KIF26B: variants seen among roughly 807,000 people sequenced by gnomAD.
KIF26B encodes the protein kinesin-like protein KIF26B.
Under a neutral mutation model 151.2 loss-of-function variants are expected in KIF26B, and 63 were observed. That is an observed-to-expected ratio of 0.42 (90% CI 0.34 to 0.51). The LOEUF (loss-of-function observed/expected upper bound fraction) is 0.51. Ranked by LOEUF, KIF26B falls within the 20% of genes least tolerant of loss-of-function variation. KIF26B has a pLI of 0.07. For missense variants in KIF26B, 2,813 were observed against 2,913.6 expected, an observed-to-expected ratio of 0.97 and a Z score of 0.79; for synonymous variants, 1,357 against 1,262.1, an observed-to-expected ratio of 1.08 and a Z score of -1.59.
intron 2 of KIF26B, among the ~76,000 whole-genome samples, chr1:245,176,540 C>A (rs1404583101): frequency 2.6e-5 from 4 of 152,126 alleles, no homozygotes; most frequent in Admixed American, 1.3e-4. Flanking sequence ...GGGATGAAAG[C>A]TACCAAAGGC....
chr1:245,412,526 C>T (rs1674312521), intron 3 of KIF26B, among the ~76,000 whole-genome samples: 1 of 152,208 alleles, frequency 6.6e-6, no homozygotes, highest in Non-Finnish European at 1.5e-5. Context: ...ACTCTGGTAG[C>T]TCTCAGAGTC....
At position 245,703,704 on chromosome 1, in the gene KIF26B, G is replaced by GT. The variant is rs1345965691; in HGVS notation, c.*1103dup. On this transcript the variant is annotated 3_prime_UTR_variant, in exon 15 of 15. Transcript: ENST00000407071. ...TTGTGTTGTAGATTGATTAAAGTGG[G>GT]TTTTTCCCCAGCTGAGAGACCTTCT... 6.6e-6 allele frequency: 1 copy of GT among 152,194 alleles called. No individual in the cohort carries two copies. Among genetic ancestry groups the GT allele is most frequent in the Non-Finnish European group, 1.5e-5 (1 of 68,034 alleles). The allele number at this position is 152,194 out of a possible 1,614,324, so 9.4% of individuals were successfully genotyped here. A position where few individuals can be genotyped will look rare whatever the true frequency, so the allele number is the denominator to read the frequency against.
intron 10 of KIF26B, among the ~76,000 whole-genome samples, chr1:245,654,510 C>T (rs1001060830): frequency 6.6e-6 from 1 of 152,122 alleles, no homozygotes; most frequent in African/African-American, 2.4e-5. Flanking sequence ...AAGCTTCACC[C>T]TATTTCATGA....
At chr1:245,680,048 C>G (rs1027443599) in intron 10 of KIF26B, among the ~76,000 whole-genome samples, 9 of 152,168 alleles carry the variant, frequency 5.9e-5, no homozygotes, top group African/African-American at 2.2e-4. Flanking sequence ...CTCTTCCTCT[C>G]TCTTCAGACT....
At chr1:245,373,626 C>G (rs1256925827) in intron 3 of KIF26B, among the ~76,000 whole-genome samples, 2 of 152,102 alleles carry the variant, frequency 1.3e-5, no homozygotes, top group Non-Finnish European at 2.9e-5. Flanking sequence ...TTCCTGCTTT[C>G]TCTAAAAACA....
rs1407770765 is a variant in KIF26B at position 245,563,387 on chromosome 1, T to C, written c.1350+22437T>C. Among the ~76,000 whole-genome samples, 2 of 152,228 alleles carry C rather than the reference T, an allele frequency of 1.3e-5. No individual in the cohort carries two copies. Among genetic ancestry groups the C allele is most frequent in the South Asian group, 2.1e-4 (1 of 4,830 alleles). ...GGTTAATGTTTCCAAGTGGGTTCTA[T>C]CTTCTCAAGGATCACTGGTCTTTCG... On this transcript the variant is annotated intron_variant, in intron 5 of 14. Coordinates refer to ENST00000407071, the MANE Select transcript of KIF26B (RefSeq NM_018012.4). The surrounding 1 kb of genome is among the most constrained non-coding windows in gnomAD (Gnocchi z 4.6).
At chr1:245,651,704 T>C (rs1396974931) in intron 10 of KIF26B, among the ~76,000 whole-genome samples, 1 of 152,138 alleles carries the variant, frequency 6.6e-6, no homozygotes, top group Non-Finnish European at 1.5e-5. Context: ...GTCTGATCAG[T>C]GGTGGCACTG....
chr1:245,513,285 A>G (rs1660877259), intron 4 of KIF26B, among the ~76,000 whole-genome samples: 1 of 151,298 alleles, frequency 6.6e-6, no homozygotes, highest in Non-Finnish European at 1.5e-5. Context: ...TTAGCAGTGA[A>G]TGAGCAAAGA....
At chr1:245,245,925 CAA>C (rs60181356) in intron 2 of KIF26B, among the ~76,000 whole-genome samples, 31 of 111,628 alleles carry the variant, frequency 2.8e-4, no homozygotes, top group Middle Eastern at 4.8e-3. Context: ...GACTCCGTCT[CAA>C]AAAAAAAAAA....
intron 4 of KIF26B, among the ~76,000 whole-genome samples, chr1:245,494,662 A>T (rs1448213412): frequency 2.0e-5 from 3 of 152,236 alleles, no homozygotes; most frequent in Non-Finnish European, 4.4e-5. Context: ...TATCAGACAT[A>T]AATTTCAAAA....
At chr1:245,377,398 G>A (rs1313204299) in intron 3 of KIF26B, among the ~76,000 whole-genome samples, 2 of 152,218 alleles carry the variant, frequency 1.3e-5, no homozygotes, top group Middle Eastern at 3.4e-3. Flanking sequence ...CTTGGGTCTC[G>A]CTGTGTCCTC....
At chr1:245,381,778 C>T (rs551042896) in intron 3 of KIF26B, among the ~76,000 whole-genome samples, 1 of 152,200 alleles carries the variant, frequency 6.6e-6, no homozygotes, top group Non-Finnish European at 1.5e-5. Context: ...ACTTTGTTTC[C>T]GTGAATCTGA....
intron 10 of KIF26B, among the ~76,000 whole-genome samples, chr1:245,655,643 G>A (rs12143345): frequency 0.033 from 5,063 of 152,308 alleles, 146 homozygotes; most frequent in South Asian, 0.071. Context: ...GGGGTTCGAT[G>A]CTGCTGCACC....
intron 4 of KIF26B, among the ~76,000 whole-genome samples, chr1:245,502,766 G>T (rs965877229): frequency 6.6e-6 from 1 of 152,010 alleles, no homozygotes; most frequent in African/African-American, 2.4e-5. Context: ...TGGTAGGAGG[G>T]TTAAAGAACA....
intron 2 of KIF26B, among the ~76,000 whole-genome samples, chr1:245,297,824 A>T (rs933225382): frequency 7.9e-5 from 12 of 152,098 alleles, no homozygotes; most frequent in Non-Finnish European, 1.3e-4. Flanking sequence ...ATGGTGGCAG[A>T]TGTTGTGTGT....
chr1:245,476,328 A>G (rs10924207), intron 4 of KIF26B, among the ~76,000 whole-genome samples: 16,639 of 151,800 alleles, frequency 0.11, 1,183 homozygotes, highest in African/African-American at 0.16. Context: ...TGATTACATC[A>G]TTACATGCAT....
At chr1:245,442,784 CTACAGCGGTCAT>C (rs1659142425) in intron 4 of KIF26B, among the ~76,000 whole-genome samples, 1 of 115,536 alleles carries the variant, frequency 8.7e-6, no homozygotes, top group African/African-American at 3.4e-5. Flanking sequence ...CACTGTTCAC[CTACAGCGGTCAT>C]CTCCCTCACT....
In KIF26B at chr1:245,581,129, C is replaced by T. The variant is rs1325760790; in HGVS notation, c.1351-21448C>T. On this transcript the variant is annotated intron_variant, in intron 5 of 14. Transcript: ENST00000407071. ...CAGCCAGGTCACTAAAAGGCAAGTT[C>T]CACACATGAGGAGAAATCAAATGCT... Among the ~76,000 whole-genome samples the T allele has an allele frequency of 3.3e-5, 5 of 152,200 alleles. No homozygotes were observed. The South Asian group carries it at 1.0e-3, about 32-fold the overall frequency.
intron 2 of KIF26B, among the ~76,000 whole-genome samples, chr1:245,278,637 C>T (rs1670980657): frequency 6.6e-6 from 1 of 152,066 alleles, no homozygotes; most frequent in South Asian, 2.1e-4. Context: ...GATGGGGGTT[C>T]CCTAGAAAAT....
Sources: allele counts gnomAD v4.1 joint callset (sites outside exome capture counted in the v4.1 genomes callset), GRCh38; gene constraint gnomAD v4.1.1; non-coding constraint Gnocchi (gnomAD v3.1); transcripts MANE v1.5; gene names NCBI Gene and HGNC (gene_info 2026-07-23, HGNC 2026-07-21).